The following PARL variants were observed in gnomAD, a reference collection of about 807,000 sequenced individuals.
The protein encoded by PARL is presenilin-associated rhomboid-like protein, mitochondrial.
A neutral mutation model predicts 51.6 loss-of-function variants in PARL; 44 were observed. The observed-to-expected ratio is 0.85, with a 90% CI of 0.67 to 1.10. The LOEUF (loss-of-function observed/expected upper bound fraction) is 1.10, where lower values mean the gene tolerates loss of function less well. Ranked by LOEUF, PARL falls within the 50% of genes least tolerant of loss-of-function variation. The probability of loss-of-function intolerance (pLI) is 0.00; values close to 1 mark genes in which losing one functional copy is unlikely to be tolerated. For synonymous variants in PARL, 172 were observed against 164.0 expected (o/e 1.05, Z -0.37); for missense variants, 441 against 469.5 (o/e 0.94, Z 0.56).
intron 1 of PARL, among the ~76,000 whole-genome samples, chr3:183,875,415 C>CAAA (rs61316689): frequency 0.042 from 2,514 of 59,880 alleles, 159 homozygotes; most frequent in Middle Eastern, 0.053. Context: ...ACTCTGTCTC[C>CAAA]AAAAAAAAAA....
intron 4 of PARL, among the ~76,000 whole-genome samples, chr3:183,861,480 A>G (rs963903701): frequency 3.3e-5 from 5 of 152,204 alleles, no homozygotes; most frequent in African/African-American, 9.6e-5. Context: ...ATGAGTTCAG[A>G]AAAAAAGAAA....
At chr3:183,847,466 A>C (rs980571114) in intron 4 of PARL, among the ~76,000 whole-genome samples, 2 of 152,074 alleles carry the variant, frequency 1.3e-5, no homozygotes, top group Non-Finnish European at 2.9e-5. Flanking sequence ...TGGGAGGCTA[A>C]GGTGGGAGGA....
intron 1 of PARL, among the ~76,000 whole-genome samples, chr3:183,878,517 G>T (rs547442708): frequency 3.4e-4 from 51 of 152,172 alleles, no homozygotes; most frequent in Non-Finnish European, 5.3e-4. Flanking sequence ...CATTAGAACT[G>T]CCTGGTGAGC....
At chr3:183,829,037 T>C (rs563041637), downstream of PARL, among the ~76,000 whole-genome samples, 179 of 152,338 alleles carry the variant, frequency 1.2e-3, no homozygotes, top group Non-Finnish European at 2.1e-3. Context: ...TCTTAATTTA[T>C]CTACAAATTG....
chr3:183,839,083 A>G (rs1398062096), intron 7 of PARL, among the ~76,000 whole-genome samples: 1 of 152,244 alleles, frequency 6.6e-6, no homozygotes, highest in East Asian at 1.9e-4. Context: ...GCGAAATTGT[A>G]TAAAGAAAAT....
At chr3:183,871,110 T>C (rs1733139444) in intron 1 of PARL, among the ~76,000 whole-genome samples, 1 of 152,072 alleles carries the variant, frequency 6.6e-6, no homozygotes, top group Non-Finnish European at 1.5e-5. Flanking sequence ...TCTGTCAGAA[T>C]AAAAAAGGGA....
chr3:183,876,601 TAC>T (rs1220475254), intron 1 of PARL, among the ~76,000 whole-genome samples: 2 of 46,930 alleles, frequency 4.3e-5, no homozygotes, highest in Non-Finnish European at 8.1e-5. Context: ...CCCTAAGAAA[TAC>T]ATTTTGTAAA....
At chr3:183,862,168 T>C (rs1270642101) in intron 4 of PARL, among the ~76,000 whole-genome samples, 1 of 152,166 alleles carries the variant, frequency 6.6e-6, no homozygotes, top group African/African-American at 2.4e-5. Context: ...CATAACAATT[T>C]ACAAAGAAAA....
At chr3:183,835,354 G>A (rs913798019) in intron 7 of PARL, among the ~76,000 whole-genome samples, 3 of 152,046 alleles carry the variant, frequency 2.0e-5, no homozygotes, top group Admixed American at 6.6e-5. Flanking sequence ...CTTACATTTG[G>A]GGAATTACTA....
At chr3:183,841,387 CTAAT>C (rs1729296072) in intron 6 of PARL, among the ~76,000 whole-genome samples, 1 of 152,194 alleles carries the variant, frequency 6.6e-6, no homozygotes, top group Non-Finnish European at 1.5e-5. Flanking sequence ...TCGATGAACA[CTAAT>C]TAAGCATCTA....
intron 1 of PARL, among the ~76,000 whole-genome samples, chr3:183,879,299 T>C (rs548375316): frequency 6.6e-6 from 1 of 152,360 alleles, no homozygotes; most frequent in African/African-American, 2.4e-5. Context: ...TGTCCCAAGT[T>C]AGGCCAATCT....
chr3:183,860,399 A>G (rs1307825953), intron 4 of PARL, among the ~76,000 whole-genome samples: 1 of 152,252 alleles, frequency 6.6e-6, no homozygotes, highest in Non-Finnish European at 1.5e-5. Flanking sequence ...AGACAGTTCA[A>G]ATGGCATTTC....
chr3:183,828,298 T>A (rs186531064), downstream of PARL, among the ~76,000 whole-genome samples: 312 of 152,344 alleles, frequency 2.0e-3, 2 homozygotes, highest in African/African-American at 7.2e-3. Flanking sequence ...AGAGGGAATG[T>A]CCCTATGAAC....
At chr3:183,833,913 A>G in intron 7 of PARL, 88 bp from the exon 8 acceptor site, 2 of 854,238 alleles carry the variant, frequency 2.3e-6, no homozygotes, top group South Asian at 1.4e-5. Flanking sequence ...CATTTTCTAG[A>G]AAGTTTACAT....
intron 1 of PARL, among the ~76,000 whole-genome samples, chr3:183,875,468 C>CTGTTTTG (rs1733700181): frequency 2.0e-5 from 3 of 149,724 alleles, no homozygotes; most frequent in Admixed American, 2.0e-4. Context: ...AGCCTTATTG[C>CTGTTTTG]CAACATGGAA....
chr3:183,838,109 C>T (rs1186856432), intron 7 of PARL, among the ~76,000 whole-genome samples: 1 of 151,652 alleles, frequency 6.6e-6, no homozygotes, highest in African/African-American at 2.4e-5. Context: ...GCAGCCTCAC[C>T]CTCCTAGGCT....
chr3:183,860,836 GAC>G, intron 4 of PARL, among the ~76,000 whole-genome samples: 1 of 118,392 alleles, frequency 8.4e-6, no homozygotes, highest in Admixed American at 9.7e-5. Context: ...TTTTTTTTGA[GAC>G]AGAGTCTCGC....
chr3:183,827,191 C>T (rs915553653), downstream of PARL, among the ~76,000 whole-genome samples: 9 of 152,062 alleles, frequency 5.9e-5, no homozygotes, highest in Non-Finnish European at 1.2e-4. Flanking sequence ...ATGGCTCATG[C>T]GTGGAATCCC....
intron 4 of PARL, among the ~76,000 whole-genome samples, chr3:183,854,264 G>A (rs1209927053): frequency 1.3e-5 from 2 of 152,068 alleles, no homozygotes; most frequent in Admixed American, 6.6e-5. Flanking sequence ...CGAATGCATG[G>A]TCGGTCTCAA....
Sources: allele counts gnomAD v4.1 joint callset (sites outside exome capture counted in the v4.1 genomes callset), GRCh38; gene constraint gnomAD v4.1.1; transcripts MANE v1.5; gene names NCBI Gene and HGNC (gene_info 2026-07-23, HGNC 2026-07-21).